The following ERAP1 variants were observed in gnomAD, a reference collection of about 807,000 sequenced individuals.
The protein encoded by ERAP1 is endoplasmic reticulum aminopeptidase 1.
Under a neutral mutation model 103.7 loss-of-function variants are expected in ERAP1, and 86 were observed. That is an observed-to-expected ratio of 0.83 (90% CI 0.70 to 0.99). The LOEUF (loss-of-function observed/expected upper bound fraction) is 0.99. ERAP1 is among the 50% of genes least tolerant of loss of function. ERAP1 has a pLI of 0.00. For missense variants in ERAP1, 1,009 were observed against 1,128.4 expected (o/e 0.89, Z 1.52); for synonymous variants, 398 against 402.4 (o/e 0.99, Z 0.13).
At chr5:96,914,109 A>C in the ERAP1 span, among the ~76,000 whole-genome samples, 1 of 149,448 alleles carries the variant, frequency 6.7e-6, no homozygotes, top group East Asian at 2.0e-4. Flanking sequence ...AATGGAATGT[A>C]TAAGACAGCA....
In ERAP1 at chr5:96,763,274, C is replaced by T. The variant is rs202219867; in HGVS notation, c.2819-46G>A. 8.4e-4 allele frequency: 653 copies of T among 780,422 alleles called. 3 individuals are homozygous for T. In the African/African-American group the frequency reaches 8.9e-3, roughly 11 times the overall value. 48.3% of individuals were successfully genotyped at this position (780,422 alleles called of 1,614,324 possible). A position where few individuals can be genotyped will look rare whatever the true frequency, so the allele number is the denominator to read the frequency against. ...AAATGACAAAGCCCAGACCTGGCCCCGGGCAGCTCTACCATTAGCAGCTAT... is the reference window on the plus strand; with the variant it reads ...AAATGACAAAGCCCAGACCTGGCCCTGGGCAGCTCTACCATTAGCAGCTAT... On this transcript the variant is annotated intron_variant, in intron 19 of 19. Coordinates refer to the ERAP1 transcript ENST00000296754.
At chr5:96,840,681 C>T in the ERAP1 span, among the ~76,000 whole-genome samples, 1 of 151,646 alleles carries the variant, frequency 6.6e-6, no homozygotes, top group Non-Finnish European at 1.5e-5. Flanking sequence ...TCTGATGGGA[C>T]TCAGGCATTG....
the ERAP1 span, chr5:96,873,171 A>C: frequency 2.8e-6 from 1 of 359,626 alleles, no homozygotes; most frequent in African/African-American, 2.1e-5. Context: ...CCTGGGTGAC[A>C]GAGTGAGACT....
chr5:96,917,195 C>T, the ERAP1 span, among the ~76,000 whole-genome samples: 1 of 152,124 alleles, frequency 6.6e-6, no homozygotes, highest in Admixed American at 6.5e-5. Flanking sequence ...TAACCTCCAC[C>T]TGCTGGGTTC....
the ERAP1 span, among the ~76,000 whole-genome samples, chr5:96,891,976 T>C: frequency 1.3e-5 from 2 of 152,194 alleles, no homozygotes; most frequent in African/African-American, 4.8e-5. Context: ...AAACACAATA[T>C]GATTGTTTTA....
chr5:96,775,982 C>A lies in ERAP1; in HGVS notation c.*414G>T. The stretch of plus-strand genomic sequence containing the variant: ...GGAGAGCTTTAACCCAGTCATCGTC[C>A]GGCTTAGTCTCAGATCCAGGTGTTC... On this transcript the variant is annotated 3_prime_UTR_variant, in exon 19 of 19. Transcript: ENST00000443439. 9.4e-7 allele frequency: 1 copy of A among 1,068,544 alleles called. No homozygotes were observed. The highest frequency in any genetic ancestry group is 2.8e-5 in the South Asian group (1 of 36,258). The allele number at this position is 1,068,544 out of a possible 1,614,324, so 66.2% of individuals were successfully genotyped here.
chr5:96,861,153 C>A, the ERAP1 span, among the ~76,000 whole-genome samples: 1 of 152,142 alleles, frequency 6.6e-6, no homozygotes, highest in African/African-American at 2.4e-5. Flanking sequence ...ACAAATAAGG[C>A]ATCTGACCAC....
chr5:96,856,494 C>A, the ERAP1 span, among the ~76,000 whole-genome samples: 4 of 151,168 alleles, frequency 2.6e-5, no homozygotes, highest in South Asian at 6.3e-4. Context: ...TGACACCAAC[C>A]TCTGCTTTCC....
the ERAP1 span, among the ~76,000 whole-genome samples, chr5:96,828,119 T>A: frequency 1.3e-5 from 2 of 152,228 alleles, no homozygotes; most frequent in Admixed American, 6.5e-5. Context: ...AATTTTCTAA[T>A]AAGTAAACAG....
At chr5:96,853,664 A>G in the ERAP1 span, among the ~76,000 whole-genome samples, 1 of 152,148 alleles carries the variant, frequency 6.6e-6, no homozygotes, top group East Asian at 1.9e-4. Flanking sequence ...CAAACTTAAA[A>G]AGGCAAAACT....
the ERAP1 span, among the ~76,000 whole-genome samples, chr5:96,914,148 T>TCACACACACACACACACACA: frequency 8.7e-4 from 129 of 148,078 alleles, no homozygotes; most frequent in Middle Eastern, 3.5e-3. Context: ...TCTCTCTCTC[T>TCACACACACACACACACACA]CACACACACA....
chr5:96,793,488 T>G lies in ERAP1; in HGVS notation c.1100A>C (p.Glu367Ala), dbSNP rs1374866707. The change falls in exon 7 of 19, where the codon GAA becomes GCA. Residue 367 changes from glutamate to alanine, a missense_variant. Physicochemically the swap from Glu to Ala is moderately radical, Grantham distance 107. Around this residue, in one of 3 missense-constraint regions of ERAP1, gnomAD observed 392 missense variants for 455.2 expected, o/e 0.86. Coordinates refer to ENST00000443439, the MANE Select transcript of ERAP1 (RefSeq NM_001040458.3). ...HQWFGNLVTM[E>A]WWNDLWLNEG... ...ATTTAGCCAAAGATCATTCCACCAT[T>G]CCATAGTGACCAGGTTCCCAAACCA... is the stretch of plus-strand genomic sequence containing the variant. 1 of 1,613,714 alleles carries G rather than the reference T, an allele frequency of 6.2e-7. No homozygotes were observed. The highest frequency in any genetic ancestry group is 8.5e-7 in the Non-Finnish European group (1 of 1,179,850).
the ERAP1 span, among the ~76,000 whole-genome samples, chr5:96,858,217 CTTTTT>C: frequency 5.5e-4 from 75 of 137,124 alleles, no homozygotes; most frequent in African/African-American, 1.9e-3. Context: ...TGTTCTTCTT[CTTTTT>C]TTTTTTTTTT....
rs1417147088 is a variant in ERAP1, at chr5:96,792,171, A to G, written c.1210T>C (p.Cys404Arg). The change falls in exon 8 of 19, where the codon TGT becomes CGT. Residue 404 changes from cysteine to arginine, a missense_variant. This residue lies in a region of ERAP1 where 611 missense variants were observed against 651.7 expected (regional missense o/e 0.94). Coordinates refer to ENST00000443439, the MANE Select transcript of ERAP1 (RefSeq NM_001040458.3). ...GCATCTACCTCCATTGCGTCAAAAC[A>G]TTTGCCAAAGAAATAATCTCCCTAT... ...LKVGDYFFGK[C>R]FDAMEVDALN... 5.0e-6 allele frequency: 8 copies of G among 1,613,618 alleles called. No homozygotes were observed. Among genetic ancestry groups the G allele is most frequent in the Admixed American group, 1.7e-5 (1 of 60,010 alleles).
the ERAP1 span, among the ~76,000 whole-genome samples, chr5:96,860,345 CA>C: frequency 1.3e-5 from 2 of 152,174 alleles, no homozygotes; most frequent in African/African-American, 4.8e-5. Flanking sequence ...TGAGCCACTA[CA>C]CCCAGCCCTG....
the ERAP1 span, among the ~76,000 whole-genome samples, chr5:96,900,844 T>A: frequency 6.6e-6 from 1 of 151,980 alleles, no homozygotes; most frequent in Non-Finnish European, 1.5e-5. Flanking sequence ...GCCCGGCTAA[T>A]TTTTTTGTAT....
the ERAP1 span, among the ~76,000 whole-genome samples, chr5:96,905,428 G>T: frequency 2.6e-5 from 4 of 152,084 alleles, no homozygotes; most frequent in African/African-American, 9.7e-5. Flanking sequence ...TAGTTGTTCT[G>T]AAATTTGTTT....
the ERAP1 span, among the ~76,000 whole-genome samples, chr5:96,877,108 AG>A: frequency 9.6e-4 from 146 of 152,114 alleles, 1 homozygote; most frequent in South Asian, 0.011. Flanking sequence ...CCGAGTAGCT[AG>A]GACTACGGGC....
chr5:96,891,823 C>T, the ERAP1 span, among the ~76,000 whole-genome samples: 1 of 152,030 alleles, frequency 6.6e-6, no homozygotes, highest in East Asian at 1.9e-4. Context: ...ATAGAGATGG[C>T]TCCTAAGAGG....
Sources: allele counts gnomAD v4.1 joint callset (sites outside exome capture counted in the v4.1 genomes callset), GRCh38; gene constraint gnomAD v4.1.1; regional missense constraint gnomAD v4.1.1; transcripts MANE v1.5; gene names NCBI Gene and HGNC (gene_info 2026-07-23, HGNC 2026-07-21).